Variants in POFUT3 observed in about 807,000 individuals in gnomAD.
POFUT3 encodes the protein protein O-fucosyltransferase 3.
chr8:33,331,588 G>A, the POFUT3 span, among the ~76,000 whole-genome samples: 4 of 152,132 alleles, frequency 2.6e-5, no homozygotes, highest in South Asian at 4.1e-4. Context: ...TTGGGAGGCC[G>A]AAGCAGGCAC....
At chr8:33,453,303 A>C in the POFUT3 span, 1 of 1,614,096 alleles carries the variant, frequency 6.2e-7, no homozygotes, top group South Asian at 1.1e-5. Context: ...CATTGGCCTA[A>C]CCTCCCAGTC....
At chr8:33,466,478 A>G in the POFUT3 span, among the ~76,000 whole-genome samples, 1 of 151,734 alleles carries the variant, frequency 6.6e-6, no homozygotes, top group South Asian at 2.1e-4. Flanking sequence ...AAGGGAAGGG[A>G]AAATGGAAGG....
the POFUT3 span, among the ~76,000 whole-genome samples, chr8:33,342,517 A>T: frequency 1.3e-5 from 2 of 152,184 alleles, no homozygotes; most frequent in African/African-American, 4.8e-5. Context: ...ATGACAAGGT[A>T]TTTCACAGAA....
chr8:33,318,615 ATATATATTTATATAATATATAAATATATT>A, the POFUT3 span, among the ~76,000 whole-genome samples: 7 of 91,078 alleles, frequency 7.7e-5, no homozygotes. Flanking sequence ...AATATATTGT[ATATATATTTATATAATATATAAATATATT>A]GTATATATAT....
the POFUT3 span, among the ~76,000 whole-genome samples, chr8:33,364,015 T>A: frequency 4.6e-5 from 7 of 151,946 alleles, no homozygotes; most frequent in African/African-American, 1.7e-4. Flanking sequence ...GATGCGAAAA[T>A]CCTCAATAAA....
chr8:33,460,652 AGACT>A, the POFUT3 span: 11 of 853,758 alleles, frequency 1.3e-5, no homozygotes, highest in Non-Finnish European at 2.8e-6. Context: ...CCAGGAAGAC[AGACT>A]GAGCTTTACT....
At chr8:33,384,343 T>A in the POFUT3 span, among the ~76,000 whole-genome samples, 2 of 152,238 alleles carry the variant, frequency 1.3e-5, no homozygotes, top group African/African-American at 4.8e-5. Flanking sequence ...AAGCTTCTGA[T>A]AAGGCACAAT....
the POFUT3 span, among the ~76,000 whole-genome samples, chr8:33,470,557 A>C: frequency 6.6e-6 from 1 of 152,238 alleles, no homozygotes; most frequent in African/African-American, 2.4e-5. Flanking sequence ...TATACTAATA[A>C]GTATTAGTAA....
the POFUT3 span, among the ~76,000 whole-genome samples, chr8:33,376,511 G>T: frequency 6.6e-6 from 1 of 152,182 alleles, no homozygotes; most frequent in Non-Finnish European, 1.5e-5. Context: ...AAGTGGAAGT[G>T]TGAATTAACT....
At chr8:33,401,540 C>T in the POFUT3 span, among the ~76,000 whole-genome samples, 1 of 152,114 alleles carries the variant, frequency 6.6e-6, no homozygotes, top group South Asian at 2.1e-4. Context: ...AAAATCTTTT[C>T]ACATACGTGA....
the POFUT3 span, among the ~76,000 whole-genome samples, chr8:33,345,144 G>T: frequency 6.6e-6 from 1 of 152,310 alleles, no homozygotes; most frequent in African/African-American, 2.4e-5. Flanking sequence ...TGGTTCAGGA[G>T]AGAGGACTTG....
the POFUT3 span, among the ~76,000 whole-genome samples, chr8:33,382,502 G>A: frequency 6.6e-6 from 1 of 152,146 alleles, no homozygotes; most frequent in Admixed American, 6.5e-5. Flanking sequence ...CTTAGTTGAT[G>A]TGAGAAAGCT....
the POFUT3 span, among the ~76,000 whole-genome samples, chr8:33,382,186 G>A: frequency 2.6e-5 from 4 of 151,988 alleles, no homozygotes; most frequent in Admixed American, 2.6e-4. Flanking sequence ...CAGCTACTCG[G>A]GAGTCTGAGG....
the POFUT3 span, among the ~76,000 whole-genome samples, chr8:33,326,097 T>C: frequency 5.9e-5 from 9 of 152,296 alleles, no homozygotes; most frequent in South Asian, 2.1e-4. Context: ...TGGGATGAGA[T>C]ACAAATTACC....
the POFUT3 span, chr8:33,436,683 G>T: frequency 1.3e-6 from 1 of 795,022 alleles, no homozygotes. Flanking sequence ...GCACGTTTCC[G>T]ATGAACAGCT....
chr8:33,402,643 T>C, the POFUT3 span, among the ~76,000 whole-genome samples: 1 of 152,246 alleles, frequency 6.6e-6, no homozygotes, highest in Non-Finnish European at 1.5e-5. Flanking sequence ...AATTGTATTT[T>C]ATATGCCCAG....
At chr8:33,403,713 G>A in the POFUT3 span, among the ~76,000 whole-genome samples, 10 of 152,032 alleles carry the variant, frequency 6.6e-5, no homozygotes, top group African/African-American at 9.7e-5. Flanking sequence ...GAGAGTGAGA[G>A]CCTGTCTTTT....
the POFUT3 span, among the ~76,000 whole-genome samples, chr8:33,337,806 C>T: frequency 6.6e-6 from 1 of 152,206 alleles, no homozygotes; most frequent in African/African-American, 2.4e-5. Flanking sequence ...ATACTACCGA[C>T]TTATTGCTTA....
chr8:33,353,428 T>C, the POFUT3 span, among the ~76,000 whole-genome samples: 1 of 152,192 alleles, frequency 6.6e-6, no homozygotes, highest in Non-Finnish European at 1.5e-5. Context: ...TCCAAGGTCA[T>C]CCTAGAGGCT....
Sources: allele counts gnomAD v4.1 joint callset (sites outside exome capture counted in the v4.1 genomes callset), GRCh38; gene constraint gnomAD v4.1.1; transcripts MANE v1.5; gene names NCBI Gene and HGNC (gene_info 2026-07-23, HGNC 2026-07-21).